The following JRK variants were observed in gnomAD, a reference collection of about 807,000 sequenced individuals.
JRK encodes the protein Jrk helix-turn-helix protein, also known as jerky protein homolog.
For missense variants in JRK, 720 were observed against 509.2 expected, an observed-to-expected ratio of 1.41 and a Z score of -3.98; for synonymous variants, 303 against 218.1, an observed-to-expected ratio of 1.39 and a Z score of -3.43.
rs2129770264 is a variant in JRK at position 142,665,301 on chromosome 8, G to A, written c.758C>T (p.Ala253Val). 1 of 717,784 alleles carries A rather than the reference G, an allele frequency of 1.4e-6. No individual in the cohort carries two copies. The highest frequency in any genetic ancestry group is 2.6e-6 in the Non-Finnish European group (1 of 385,104). 44.5% of individuals were successfully genotyped at this position (717,784 alleles called of 1,614,324 possible). The change falls in exon 2 of 2, where the codon GCC becomes GTC. Residue 253 changes from alanine (A) to valine (V), a missense_variant. By Grantham distance (64) the Ala-to-Val change is moderately conservative. Transcript: ENST00000612905. ...CCAGGCGTTCCCCTGGGCCTTATAG[G>A]CGACGGGCAGGTGCTGGATGCCTTT... ...AFKGIQHLPV[A>V]YKAQGNAWVD...
chr8:142,666,177 T>C lies in JRK; in HGVS notation c.-119A>G. ...TCCGTCTCTCCCTCTCCACTCTGCCTGCCTGCTCTGCTGATCCTGAGCACA... is the reference window on the plus strand; with the variant it reads ...TCCGTCTCTCCCTCTCCACTCTGCCCGCCTGCTCTGCTGATCCTGAGCACA... On this transcript the variant is annotated 5_prime_UTR_variant, in exon 2 of 2. Coordinates refer to ENST00000612905, the MANE Select transcript of JRK (RefSeq NM_003724.4). 6.6e-7 allele frequency: 1 copy of C among 1,524,560 alleles called. No homozygotes were observed. The highest frequency in any genetic ancestry group is 8.9e-7 in the Non-Finnish European group (1 of 1,127,436). 94.4% of individuals were successfully genotyped at this position (1,524,560 alleles called of 1,614,324 possible).
At chr8:142,646,327 T>A in the JRK span, among the ~76,000 whole-genome samples, 48 of 152,204 alleles carry the variant, frequency 3.2e-4, 1 homozygote, top group Non-Finnish European at 7.3e-5. Context: ...GAACTTATAG[T>A]TTAGCTTTAA....
At chr8:142,666,705 CCTGCACGTG>C (rs371807549) in intron 1 of JRK, among the ~76,000 whole-genome samples, 185 bp from the exon 2 acceptor site, 98 of 152,300 alleles carry the variant, frequency 6.4e-4, no homozygotes, top group Middle Eastern at 3.4e-3. Flanking sequence ...CTGCCCAGCC[CCTGCACGTG>C]CTGCTCAGGT....
chr8:142,658,803 G>T lies in JRK; in HGVS notation c.*5549C>A. On this transcript the variant is annotated 3_prime_UTR_variant, in exon 2 of 2. Coordinates refer to ENST00000612905, the MANE Select transcript of JRK (RefSeq NM_003724.4). ...CACCCATAACCTCAAGGGCACTGGT[G>T]GGGACAGAGGGGTCTTACCCAGCAC... 1 of 1,581,466 alleles carries T rather than the reference G, an allele frequency of 6.3e-7. No homozygotes were observed. Among genetic ancestry groups the T allele is most frequent in the South Asian group, 1.2e-5 (1 of 86,444 alleles).
Position 142,664,085 on chromosome 8 carries a change from T to C in JRK, c.*267A>G. On this transcript the variant is annotated 3_prime_UTR_variant, in exon 2 of 2. Coordinates refer to ENST00000612905, the MANE Select transcript of JRK (RefSeq NM_003724.4). ...TTCCAGCCAGGGTGCGGCTCTGGCT[T>C]GTTCTAGGCTAGGGTGGACCCTTCC... 2 of 1,253,538 alleles carry C rather than the reference T, an allele frequency of 1.6e-6. No homozygotes were observed. The highest frequency in any genetic ancestry group is 1.0e-6 in the Non-Finnish European group (1 of 999,370). 77.7% of individuals were successfully genotyped at this position (1,253,538 alleles called of 1,614,324 possible). A position where few individuals can be genotyped will look rare whatever the true frequency, so the allele number is the denominator to read the frequency against.
chr8:142,662,818 G>A lies in JRK; in HGVS notation c.*1534C>T. 1 of 985,428 alleles carries A rather than the reference G, an allele frequency of 1.0e-6. No individual in the cohort carries two copies. Among genetic ancestry groups the A allele is most frequent in the African/African-American group, 1.7e-5 (1 of 57,366 alleles). The allele number at this position is 985,428 out of a possible 1,614,324, so 61.0% of individuals were successfully genotyped here. On this transcript the variant is annotated 3_prime_UTR_variant, in exon 2 of 2. Transcript: ENST00000612905. Reference sequence around the variant, plus strand: ...ACTCGGCCAAATGATATGAATTTAAGAGAGGAAAAGAATTCAAGGGCAAAG... The same window carrying A: ...ACTCGGCCAAATGATATGAATTTAAAAGAGGAAAAGAATTCAAGGGCAAAG...
At chr8:142,666,572 A>G in intron 1 of JRK, 52 bp from the exon 2 acceptor site, 1 of 225,194 alleles carries the variant, frequency 4.4e-6, no homozygotes, top group Non-Finnish European at 9.2e-6. Flanking sequence ...CCCAGGACAC[A>G]CATGGCGTCC....
At chr8:142,669,507 C>T (rs1554636908) in intron 1 of JRK, among the ~76,000 whole-genome samples, 1 of 152,022 alleles carries the variant, frequency 6.6e-6, no homozygotes, top group East Asian at 1.9e-4. Context: ...CAGTCTGGGA[C>T]AAGAACAAGA....
At chr8:142,645,699 A>G in the JRK span, among the ~76,000 whole-genome samples, 5 of 149,266 alleles carry the variant, frequency 3.3e-5, no homozygotes, top group African/African-American at 1.2e-4. Flanking sequence ...AAATATATAT[A>G]TACATCCTCT....
the JRK span, among the ~76,000 whole-genome samples, chr8:142,646,239 C>T: frequency 2.6e-5 from 4 of 152,168 alleles, no homozygotes; most frequent in Non-Finnish European, 5.9e-5. Context: ...AAGATTTGAC[C>T]TAACTGACTC....
chr8:142,666,767 T>C (rs1554636247), intron 1 of JRK, among the ~76,000 whole-genome samples: 3 of 152,174 alleles, frequency 2.0e-5, no homozygotes, highest in Non-Finnish European at 4.4e-5. Flanking sequence ...AGCCATTCGC[T>C]AGGGCTGGAA....
At chr8:142,669,365 G>C (rs1298669827) in intron 1 of JRK, among the ~76,000 whole-genome samples, 1 of 152,226 alleles carries the variant, frequency 6.6e-6, no homozygotes, top group Middle Eastern at 3.4e-3. Context: ...GAGAGCGCCC[G>C]AGAGCCGGCG....
rs895007807 is a variant in JRK at position 142,658,585 on chromosome 8, C to T, written c.*5767G>A. On this transcript the variant is annotated 3_prime_UTR_variant, in exon 2 of 2. Transcript: ENST00000612905. The stretch of plus-strand genomic sequence containing the variant: ...GACCTCGCTCTAGTTCCTTCCTTTT[C>T]TTATAAGGACTCGATCTCATCGGCG... 7 of 301,396 alleles carry T rather than the reference C, an allele frequency of 2.3e-5. No individual in the cohort carries two copies. Among genetic ancestry groups the T allele is most frequent in the African/African-American group, 1.6e-4 (7 of 44,784 alleles). 18.7% of individuals were successfully genotyped at this position (301,396 alleles called of 1,614,324 possible).
At position 142,665,423 on chromosome 8, in the gene JRK, G is replaced by A; in HGVS notation, c.636C>T (p.Gly212=). ...ACATCAGCACGGTCAGCCGGTCCTT[G>A]CCCTGCTTGGGGCCAGGCACAGCCC... ...EGGAVPGPKQ[G]KDRLTVLMCA... The change falls in exon 2 of 2, where the codon GGC becomes GGT. Residue 212 remains glycine, a synonymous_variant. Transcript: ENST00000612905. 1.4e-6 allele frequency: 1 copy of A among 717,740 alleles called. No homozygotes were observed. The highest frequency in any genetic ancestry group is 2.6e-6 in the Non-Finnish European group (1 of 385,070). The allele number at this position is 717,740 out of a possible 1,614,324, so 44.5% of individuals were successfully genotyped here.
chr8:142,647,173 T>G, the JRK span, among the ~76,000 whole-genome samples: 1 of 152,128 alleles, frequency 6.6e-6, no homozygotes, highest in Non-Finnish European at 1.5e-5. Context: ...ATCTCTGAGC[T>G]CTAGACAGAG....
intron 1 of JRK, among the ~76,000 whole-genome samples, chr8:142,669,731 C>A (rs1180198466): frequency 6.7e-6 from 1 of 150,030 alleles, no homozygotes; most frequent in Non-Finnish European, 1.5e-5. Context: ...GTTCCGAGCG[C>A]GGCTCCCGGG....
In JRK at chr8:142,659,866, C is replaced by T. The variant is rs952608575; in HGVS notation, c.*4486G>A. ...CACCTGCCCCTCCCTGGGCCCCAGT[C>T]TCATCCCTAAACAGGAGTGACCCCA... is the stretch of plus-strand genomic sequence containing the variant. On this transcript the variant is annotated 3_prime_UTR_variant, in exon 2 of 2. Transcript: ENST00000612905. 1 of 985,548 alleles carries T rather than the reference C, an allele frequency of 1.0e-6. No individual in the cohort carries two copies. The highest frequency in any genetic ancestry group is 1.2e-6 in the Non-Finnish European group (1 of 830,086). The allele number at this position is 985,548 out of a possible 1,614,324, so 61.1% of individuals were successfully genotyped here.
In JRK at chr8:142,663,254, T is replaced by C. The variant is rs1846974642; in HGVS notation, c.*1098A>G. The C allele has an allele frequency of 3.1e-5, 31 of 985,426 alleles. No individual in the cohort carries two copies. The highest frequency in any genetic ancestry group is 3.7e-5 in the Non-Finnish European group (31 of 829,936). 61.0% of individuals were successfully genotyped at this position (985,426 alleles called of 1,614,324 possible). ...TGGAATCTCAGCTGCAGGCAGTGAGTGTTGCCCGTGAAATGGAGATGCCGC... is the reference window on the plus strand; with the variant it reads ...TGGAATCTCAGCTGCAGGCAGTGAGCGTTGCCCGTGAAATGGAGATGCCGC... On this transcript the variant is annotated 3_prime_UTR_variant, in exon 2 of 2. Transcript: ENST00000612905.
Position 142,663,090 on chromosome 8 carries a change from C to T in JRK, c.*1262G>A. The T allele has an allele frequency of 1.1e-6, 1 of 905,462 alleles. No individual in the cohort carries two copies. Among genetic ancestry groups the T allele is most frequent in the Non-Finnish European group, 1.3e-6 (1 of 757,238 alleles). 56.1% of individuals were successfully genotyped at this position (905,462 alleles called of 1,614,324 possible). On this transcript the variant is annotated 3_prime_UTR_variant, in exon 2 of 2. Transcript: ENST00000612905. ...ATCACTCAAGCCAGGGAGGTCGAGG[C>T]TGCAGTGAGCTGGGATCACACCACT...
Sources: allele counts gnomAD v4.1 joint callset (sites outside exome capture counted in the v4.1 genomes callset), GRCh38; gene constraint gnomAD v4.1.1; transcripts MANE v1.5; gene names NCBI Gene and HGNC (gene_info 2026-07-23, HGNC 2026-07-21).